The following CPO variants were observed in gnomAD, a reference collection of about 807,000 sequenced individuals.
CPO encodes the protein metallocarboxypeptidase C.
CPO carries 43 observed loss-of-function variants against 41.2 expected under a neutral mutation model. The observed-to-expected ratio is 1.04, with a 90% CI of 0.82 to 1.35. The LOEUF (loss-of-function observed/expected upper bound fraction) is 1.35, where lower values mean the gene tolerates loss of function less well. Among genes scored for constraint, CPO ranks in the 40% most tolerant of loss-of-function variants. CPO has a pLI of 0.00. For synonymous variants in CPO, 178 were observed against 162.7 expected, an observed-to-expected ratio of 1.09 and a Z score of -0.72; for missense variants, 408 against 451.7, an observed-to-expected ratio of 0.90 and a Z score of 0.88.
At chr2:206,951,081 A>T (rs13032531) in intron 2 of CPO, among the ~76,000 whole-genome samples, 32,535 of 148,386 alleles carry the variant, frequency 0.22, 4,012 homozygotes, top group Non-Finnish European at 0.29. Context: ...AAGTATAATT[A>T]AAAAAAAAAG....
rs376191345 is a variant in CPO, at chr2:206,964,124, A to G, written c.777+1510A>G. 1.6e-4 allele frequency among the ~76,000 whole-genome samples: 24 copies of G among 152,320 alleles called. No homozygotes were observed. The East Asian group carries it at 2.3e-3, about 15-fold the overall frequency. ...GGCCTGATGACCTATTGGTTAGGTT[A>G]TACCTTTTGCACATCTCCCTCCGGA... On this transcript the variant is annotated intron_variant, in intron 7 of 8. Transcript: ENST00000272852.
chr2:206,959,588 A>G, intron 4 of CPO, 43 bp from the exon 5 acceptor site: 2 of 901,800 alleles, frequency 2.2e-6, no homozygotes, highest in Non-Finnish European at 3.7e-6. Flanking sequence ...AAGAGAGAAA[A>G]GATCTCAAAA....
chr2:206,949,657 G>C lies in CPO; in HGVS notation c.109G>C (p.Val37Leu). Residue 37 changes from valine (V) to leucine (L), a missense_variant, in exon 2 of 9, where the codon GTG becomes CTG. Val to Leu is a conservative substitution (Grantham distance 32, BLOSUM62 1). Transcript: ENST00000272852. Reference protein sequence around the residue: ...QHRQEIVDKSVSPWSLETYSY... With the variant: ...QHRQEIVDKSLSPWSLETYSY... ...CAGACAAGAGATTGTGGACAAGTCA[G>C]TGAGTCCATGGAGCCTGGAGACGTA... 6.2e-7 allele frequency: 1 copy of C among 1,613,568 alleles called. No homozygotes were observed. The highest frequency in any genetic ancestry group is 8.5e-7 in the Non-Finnish European group (1 of 1,179,564).
chr2:206,948,589 C>A (rs953202044), intron 1 of CPO, among the ~76,000 whole-genome samples: 2 of 152,072 alleles, frequency 1.3e-5, no homozygotes, highest in Non-Finnish European at 2.9e-5. Flanking sequence ...CACAGTGAGA[C>A]CTTGTCTCTA....
intron 7 of CPO, among the ~76,000 whole-genome samples, chr2:206,965,399 A>C (rs1693554532): frequency 6.6e-6 from 1 of 152,188 alleles, no homozygotes; most frequent in Admixed American, 6.5e-5. Flanking sequence ...AGCCACAGAG[A>C]CTAGTAATTA....
At chr2:206,950,780 A>G (rs1223309608) in intron 2 of CPO, among the ~76,000 whole-genome samples, 3 of 152,172 alleles carry the variant, frequency 2.0e-5, no homozygotes, top group Non-Finnish European at 4.4e-5. Context: ...TTGCAGGGAC[A>G]TGGATGAAGC....
At chr2:206,948,178 G>GT (rs1693181895) in intron 1 of CPO, among the ~76,000 whole-genome samples, 1 of 152,184 alleles carries the variant, frequency 6.6e-6, no homozygotes, top group Non-Finnish European at 1.5e-5. Flanking sequence ...CAACCAGGGT[G>GT]TTCTTCAGTA....
chr2:206,968,194 C>A, intron 7 of CPO, 69 bp from the exon 8 acceptor site: 1 of 1,100,986 alleles, frequency 9.1e-7, no homozygotes, highest in Non-Finnish European at 1.4e-6. Context: ...CTGGACAAAA[C>A]ACCAAATGGT....
chr2:206,942,412 A>C (rs1243630671), intron 1 of CPO, among the ~76,000 whole-genome samples: 2 of 152,066 alleles, frequency 1.3e-5, no homozygotes, highest in African/African-American at 4.8e-5. Context: ...TGTTAGGCAT[A>C]TGTTAATTTT....
Position 206,964,596 on chromosome 2 carries a change from G to T in CPO, c.777+1982G>T, listed in dbSNP as rs1693538455. On this transcript the variant is annotated intron_variant, in intron 7 of 8. Coordinates refer to ENST00000272852, the MANE Select transcript of CPO (RefSeq NM_173077.3). ...CAGAAAGGATGTGCAACTTCTAGGA[G>T]TCATTATCAGCTAGATTCCCAGTCA... Among the ~76,000 whole-genome samples, 8 of 152,138 alleles carry T rather than the reference G, an allele frequency of 5.3e-5. No individual in the cohort carries two copies. The South Asian group carries it at 1.7e-3, about 32-fold the overall frequency.
chr2:206,967,420 G>A (rs1328349255), intron 7 of CPO, among the ~76,000 whole-genome samples: 1 of 151,362 alleles, frequency 6.6e-6, no homozygotes, highest in Non-Finnish European at 1.5e-5. Flanking sequence ...AAAAGAAGAG[G>A]GGGGTCAGAG....
chr2:206,969,046 T>G (rs766126430), intron 8 of CPO, 128 bp from the exon 9 acceptor site: 20 of 970,550 alleles, frequency 2.1e-5, no homozygotes, highest in Non-Finnish European at 2.9e-5. Context: ...AAGACAGCTA[T>G]TTCTGAGACC....
intron 6 of CPO, among the ~76,000 whole-genome samples, 161 bp from the exon 7 acceptor site, chr2:206,962,251 G>A (rs1339013732): frequency 6.6e-6 from 1 of 152,034 alleles, no homozygotes; most frequent in Non-Finnish European, 1.5e-5. Flanking sequence ...TTATCCTTCA[G>A]TGACTATCCA....
chr2:206,969,451 G>A lies in CPO; in HGVS notation c.*15G>A. The A allele has an allele frequency of 1.9e-6, 3 of 1,612,866 alleles. No individual in the cohort carries two copies. The highest frequency in any genetic ancestry group is 2.5e-6 in the Non-Finnish European group (3 of 1,179,002). On this transcript the variant is annotated 3_prime_UTR_variant, in exon 9 of 9. Transcript: ENST00000272852. ...CTCTTCTCTAAGTGCATTCTGCCCAGGCCTGCTCAACCCCAGTGGCATGAG... is the reference window on the plus strand; with the variant it reads ...CTCTTCTCTAAGTGCATTCTGCCCAAGCCTGCTCAACCCCAGTGGCATGAG...
intron 1 of CPO, among the ~76,000 whole-genome samples, chr2:206,948,533 G>A (rs1283416226): frequency 6.6e-6 from 1 of 152,158 alleles, no homozygotes; most frequent in Non-Finnish European, 1.5e-5. Context: ...GGAGGCTGAG[G>A]CAGGAGGATT....
intron 3 of CPO, among the ~76,000 whole-genome samples, chr2:206,957,340 C>A (rs1209003499): frequency 6.7e-6 from 1 of 150,132 alleles, no homozygotes; most frequent in Non-Finnish European, 1.5e-5. Context: ...CATGCCACAG[C>A]ACTCCAGCCT....
At chr2:206,963,597 T>C (rs1693519691) in intron 7 of CPO, among the ~76,000 whole-genome samples, 1 of 152,208 alleles carries the variant, frequency 6.6e-6, no homozygotes, top group Non-Finnish European at 1.5e-5. Context: ...CCATGCAGTA[T>C]TTATCTTTTT....
chr2:206,946,434 T>C (rs1693147188), intron 1 of CPO, among the ~76,000 whole-genome samples: 1 of 152,142 alleles, frequency 6.6e-6, no homozygotes, highest in Non-Finnish European at 1.5e-5. Flanking sequence ...CTAACACACA[T>C]TTGTGATTAA....
intron 3 of CPO, 45 bp downstream of exon 3, chr2:206,955,609 G>A (rs762059737): frequency 2.9e-6 from 3 of 1,018,026 alleles, no homozygotes; most frequent in Non-Finnish European, 4.7e-6. Flanking sequence ...GAATTATCCA[G>A]GAGGATATGT....
Sources: allele counts gnomAD v4.1 joint callset (sites outside exome capture counted in the v4.1 genomes callset), GRCh38; gene constraint gnomAD v4.1.1; transcripts MANE v1.5; gene names NCBI Gene and HGNC (gene_info 2026-07-23, HGNC 2026-07-21).